The following SCEL variants were observed in gnomAD, a reference collection of about 807,000 sequenced individuals.
SCEL encodes the protein sciellin.
In SCEL, 113 loss-of-function variants were observed where a neutral mutation model predicts 117.6. The observed-to-expected ratio is 0.96, with a 90% CI of 0.83 to 1.12. The LOEUF (loss-of-function observed/expected upper bound fraction) is 1.12, where lower values mean the gene tolerates loss of function less well. SCEL is among the 50% of genes most tolerant of loss of function. The probability of loss-of-function intolerance (pLI) is 0.00; values close to 1 mark genes in which losing one functional copy is unlikely to be tolerated. For missense variants in SCEL, 785 were observed against 810.8 expected, an observed-to-expected ratio of 0.97 and a Z score of 0.39; for synonymous variants, 270 against 256.2, an observed-to-expected ratio of 1.05 and a Z score of -0.51.
chr13:77,623,462 A>G (rs2089536427), intron 27 of SCEL: 1 of 152,170 alleles, frequency 6.6e-6, no homozygotes, highest in Admixed American at 6.5e-5. Flanking sequence ...GCTTCACTTG[A>G]CTAGCCTTAA....
intron 30 of SCEL, among the ~76,000 whole-genome samples, chr13:77,640,389 A>G (rs574007073): frequency 2.0e-5 from 3 of 152,270 alleles, no homozygotes; most frequent in Admixed American, 6.5e-5. Context: ...TCCTAATTCA[A>G]TTAGGAAACT....
chr13:77,581,752 G>C (rs2086275255), intron 9 of SCEL, among the ~76,000 whole-genome samples: 1 of 152,156 alleles, frequency 6.6e-6, no homozygotes, highest in African/African-American at 2.4e-5. Context: ...CTATCGACTA[G>C]AGATTGTAAA....
chr13:77,635,180 T>C (rs1394760288), intron 29 of SCEL, among the ~76,000 whole-genome samples: 1 of 152,148 alleles, frequency 6.6e-6, no homozygotes, highest in Non-Finnish European at 1.5e-5. Context: ...AGGTAAGCGA[T>C]CTTCCAAAAA....
intron 1 of SCEL, among the ~76,000 whole-genome samples, chr13:77,554,306 G>C (rs1456893333): frequency 6.6e-6 from 1 of 152,156 alleles, no homozygotes; most frequent in African/African-American, 2.4e-5. Context: ...AAACCAGTCA[G>C]GCCTAACAGC....
At position 77,588,900 on chromosome 13, in the gene SCEL, A is replaced by G. The variant is rs534086627; in HGVS notation, c.546-244A>G. Among the ~76,000 whole-genome samples the G allele has an allele frequency of 2.6e-5, 4 of 152,320 alleles. No individual in the cohort carries two copies. The South Asian group carries it at 8.3e-4, about 32-fold the overall frequency. On this transcript the variant is annotated intron_variant, in intron 9 of 32. Coordinates refer to ENST00000349847, the MANE Select transcript of SCEL (RefSeq NM_144777.3). ...TAAAGAACATAGTATAGTCCAAACT[A>G]TAGTGAAAGAGGATTGGGTTTTCAA... is the stretch of plus-strand genomic sequence containing the variant.
intron 3 of SCEL, among the ~76,000 whole-genome samples, chr13:77,558,846 CAG>C (rs2084813034): frequency 6.7e-6 from 1 of 148,644 alleles, no homozygotes; most frequent in African/African-American, 2.5e-5. Context: ...AAAAAGGTAC[CAG>C]AGTGTTAAGT....
chr13:77,608,168 A>T, intron 20 of SCEL, 53 bp downstream of exon 20: 1 of 1,404,434 alleles, frequency 7.1e-7, no homozygotes, highest in African/African-American at 1.4e-5. Flanking sequence ...CATTTGTGGC[A>T]CTCAGGAAAG....
chr13:77,612,847 T>G, intron 22 of SCEL, 44 bp from the exon 23 acceptor site: 1 of 1,123,164 alleles, frequency 8.9e-7, no homozygotes, highest in Non-Finnish European at 1.3e-6. Context: ...TACAAATTAT[T>G]GGATTTTAGT....
chr13:77,547,522 C>G (rs1424549111), intron 1 of SCEL, among the ~76,000 whole-genome samples: 1 of 152,202 alleles, frequency 6.6e-6, no homozygotes, highest in African/African-American at 2.4e-5. Flanking sequence ...AGTGCCACTG[C>G]CCTCCATCCC....
At chr13:77,564,740 T>C (rs1230823075) in intron 5 of SCEL, among the ~76,000 whole-genome samples, 1 of 152,142 alleles carries the variant, frequency 6.6e-6, no homozygotes, top group East Asian at 1.9e-4. Context: ...AGCAAATACA[T>C]GGTAACTTAC....
At chr13:77,612,970 C>T (rs1340898163) in intron 23 of SCEL, 29 bp downstream of exon 23, 1 of 1,337,936 alleles carries the variant, frequency 7.5e-7, no homozygotes, top group Admixed American at 2.2e-5. Flanking sequence ...TTGAAGACTT[C>T]TTAGCAAGTC....
chr13:77,550,008 GTTT>G (rs397851742), intron 1 of SCEL, among the ~76,000 whole-genome samples: 1 of 140,294 alleles, frequency 7.1e-6, no homozygotes. Flanking sequence ...CCTGCTGCCA[GTTT>G]TTTTTTTTTT....
chr13:77,636,279 A>C (rs74095829), intron 29 of SCEL, among the ~76,000 whole-genome samples: 3,013 of 152,306 alleles, frequency 0.02, 90 homozygotes, highest in African/African-American at 0.069. Context: ...GAATCATGAC[A>C]TGCATCCTCC....
chr13:77,550,630 G>T (rs937280615), intron 1 of SCEL, among the ~76,000 whole-genome samples: 1 of 151,906 alleles, frequency 6.6e-6, no homozygotes, highest in Non-Finnish European at 1.5e-5. Context: ...GTCCTCTTCC[G>T]TGTCTGGCTT....
At chr13:77,574,783 A>G (rs148194009) in intron 9 of SCEL, among the ~76,000 whole-genome samples, 20 of 152,362 alleles carry the variant, frequency 1.3e-4, no homozygotes, top group East Asian at 3.8e-4. Flanking sequence ...ATGGGGGACT[A>G]TGATTGATAA....
intron 9 of SCEL, among the ~76,000 whole-genome samples, chr13:77,574,719 C>A (rs2085836683): frequency 6.6e-6 from 1 of 152,116 alleles, no homozygotes; most frequent in African/African-American, 2.4e-5. Context: ...ACAAAGATAT[C>A]TTTGTTCCCA....
At chr13:77,623,481 A>G (rs1015348158) in intron 27 of SCEL, 3 of 152,206 alleles carry the variant, frequency 2.0e-5, no homozygotes, top group Admixed American at 6.5e-5. Context: ...AAATAAATAA[A>G]TAAATAAATA....
chr13:77,555,328 A>C (rs1398040437), intron 1 of SCEL, among the ~76,000 whole-genome samples: 1 of 152,146 alleles, frequency 6.6e-6, no homozygotes, highest in African/African-American at 2.4e-5. Flanking sequence ...TGTTTCTCCA[A>C]GTCTGTGATT....
chr13:77,619,325 C>T (rs933606940), intron 27 of SCEL, among the ~76,000 whole-genome samples: 1 of 152,118 alleles, frequency 6.6e-6, no homozygotes, highest in Non-Finnish European at 1.5e-5. Context: ...TCACAACAAT[C>T]CCATGAGAAA....
Sources: gnomAD v4.1 joint callset for allele counts (sites outside exome capture counted in the v4.1 genomes callset) on GRCh38, gnomAD v4.1.1 for gene constraint, MANE v1.5 for transcripts, NCBI Gene and HGNC (gene_info 2026-07-23, HGNC 2026-07-21) for gene names.